The following TF variants were observed in gnomAD, a reference collection of about 807,000 sequenced individuals.
TF encodes the protein transferrin.
TF carries 55 observed loss-of-function variants against 82.4 expected under a neutral mutation model. The ratio of observed to expected loss-of-function variants is 0.67; its 90% CI spans 0.54 to 0.84. TF has a LOEUF of 0.84. TF is among the 40% of genes least tolerant of loss of function. The pLI is 0.00. For missense variants in TF, 737 were observed against 868.4 expected (o/e 0.85, Z 1.90); for synonymous variants, 332 against 332.6 (o/e 1.00, Z 0.02).
At chr3:133,759,408 T>C in intron 9 of TF, 79 bp downstream of exon 9, 2 of 1,579,304 alleles carry the variant, frequency 1.3e-6, no homozygotes, top group Non-Finnish European at 8.6e-7. Flanking sequence ...TAGGGAGTGT[T>C]CCTGGGAATG....
the TF span, among the ~76,000 whole-genome samples, chr3:133,714,022 T>C: frequency 6.6e-6 from 1 of 152,184 alleles, no homozygotes; most frequent in Non-Finnish European, 1.5e-5. Flanking sequence ...CAACCAGTTT[T>C]AGAAATTTCA....
the TF span, among the ~76,000 whole-genome samples, chr3:133,705,370 T>C: frequency 2.0e-5 from 3 of 152,058 alleles, no homozygotes; most frequent in Non-Finnish European, 4.4e-5. Context: ...TTCCCTCCCG[T>C]ATAGCAAAAA....
chr3:133,733,470 C>T, the TF span, among the ~76,000 whole-genome samples: 6 of 152,176 alleles, frequency 3.9e-5, no homozygotes, highest in East Asian at 1.2e-3. Context: ...ACCTTTGTTC[C>T]TTTACACATG....
rs1470186685 is a variant in TF, at chr3:133,788,865, A to G, written c.*10245A>G. On this transcript the variant is annotated 3_prime_UTR_variant, in exon 17 of 17. Coordinates refer to ENST00000402696, the MANE Select transcript of TF (RefSeq NM_001063.4). ...AAACCCTACTTGACTGGCTAAGGAC[A>G]AAAGAAGCCTACTCAGCTTCCATTT... is the stretch of plus-strand genomic sequence containing the variant. 6.6e-6 allele frequency: 1 copy of G among 152,278 alleles called. No individual in the cohort carries two copies. The highest frequency in any genetic ancestry group is 1.5e-5 in the Non-Finnish European group (1 of 68,070). The allele number at this position is 152,278 out of a possible 1,614,324, so 9.4% of individuals were successfully genotyped here.
chr3:133,717,420 C>A, the TF span, among the ~76,000 whole-genome samples: 1,010 of 152,284 alleles, frequency 6.6e-3, 9 homozygotes, highest in African/African-American at 0.023. Context: ...CTGCTTCTCC[C>A]GTCTGCTTGT....
the TF span, among the ~76,000 whole-genome samples, chr3:133,665,603 C>G: frequency 3.3e-5 from 5 of 151,964 alleles, no homozygotes; most frequent in Non-Finnish European, 5.9e-5. Flanking sequence ...GCCAGTCTCT[C>G]CAGACCCTGC....
At chr3:133,723,637 TTTATTA>T in the TF span, among the ~76,000 whole-genome samples, 118 of 143,568 alleles carry the variant, frequency 8.2e-4, no homozygotes, top group Middle Eastern at 3.6e-3. Context: ...GTTTGGTTCT[TTTATTA>T]TTATTATTAT....
At chr3:133,670,753 C>G in the TF span, among the ~76,000 whole-genome samples, 1 of 152,142 alleles carries the variant, frequency 6.6e-6, no homozygotes, top group African/African-American at 2.4e-5. Context: ...GAATGTTGGA[C>G]AAGAAAAAAG....
rs112075170 is a variant in TF at position 133,786,229 on chromosome 3, A to G, written c.*7609A>G. ...ATCAATAAAAAAATAAATTAAAAAA[A>G]AAAAAAAAAAACAATACTATTTTTT... On this transcript the variant is annotated 3_prime_UTR_variant, in exon 17 of 17. Coordinates refer to ENST00000402696, the MANE Select transcript of TF (RefSeq NM_001063.4). 1 of 150,828 alleles carries G rather than the reference A, an allele frequency of 6.6e-6. No homozygotes were observed. Among genetic ancestry groups the G allele is most frequent in the African/African-American group, 2.4e-5 (1 of 40,908 alleles). 9.3% of individuals were successfully genotyped at this position (150,828 alleles called of 1,614,324 possible).
chr3:133,692,791 T>C, the TF span: 4 of 152,682 alleles, frequency 2.6e-5, no homozygotes, highest in Non-Finnish European at 5.9e-5. Context: ...AACCCACCAT[T>C]ATGTCATTGC....
chr3:133,752,097 AT>A (rs111531493), intron 2 of TF, among the ~76,000 whole-genome samples: 73,299 of 133,030 alleles, frequency 0.55, 19,040 homozygotes, highest in East Asian at 0.82. Flanking sequence ...TTGCTTTGTA[AT>A]TTTTTTTTTT....
the TF span, among the ~76,000 whole-genome samples, chr3:133,733,660 A>G: frequency 2.0e-5 from 3 of 152,332 alleles, no homozygotes; most frequent in East Asian, 3.9e-4. Flanking sequence ...GTTGTAGAAG[A>G]AGGACTGAGT....
Position 133,759,343 on chromosome 3 carries a change from G to T in TF, c.1203+14G>T. 1 of 1,612,900 alleles carries T rather than the reference G, an allele frequency of 6.2e-7. No individual in the cohort carries two copies. On this transcript the variant is annotated intron_variant, in intron 9 of 16. Coordinates refer to ENST00000402696, the MANE Select transcript of TF (RefSeq NM_001063.4). ...GCCAAGATCATGGTATGTCACTCCA[G>T]CCTTCCTAGGGCAGCGTCCCTGTCA...
the TF span, among the ~76,000 whole-genome samples, chr3:133,722,964 G>C: frequency 1.3e-5 from 2 of 152,304 alleles, no homozygotes; most frequent in African/African-American, 4.8e-5. Context: ...GCTGGTCTTA[G>C]GGGTGATGAA....
intron 1 of TF, among the ~76,000 whole-genome samples, chr3:133,746,970 TCACCAGGGAGGGGGTCATCACAG>T (rs1264954883): frequency 1.3e-5 from 2 of 152,106 alleles, no homozygotes; most frequent in Non-Finnish European, 2.9e-5. Context: ...GGCCGGCTCC[TCACCAGGGAGGGGGTCATCACAG>T]CACTTGCCTG....
rs1799899 is a variant in TF, at chr3:133,756,968, G to A, written c.829G>A (p.Gly277Ser). 78,701 of 1,614,076 alleles carry A rather than the reference G, an allele frequency of 0.049. 2,443 individuals are homozygous for A. The highest frequency in any genetic ancestry group is 0.061 in the Middle Eastern group (372 of 6,062). ...TACCGTCGTGGCCCGAAGTATGGGCGGCAAGGAGGACTTGATCTGGGAGCT... is the reference window on the plus strand; with the variant it reads ...TACCGTCGTGGCCCGAAGTATGGGCAGCAAGGAGGACTTGATCTGGGAGCT... ...SHTVVARSMG[G>S]KEDLIWELLN... is the part of the protein sequence containing the mutation. Residue 277 changes from glycine (G) to serine (S), a missense_variant, in exon 7 of 17, where the codon GGC becomes AGC. By Grantham distance (56) the Gly-to-Ser change is moderately conservative. Coordinates refer to ENST00000402696, the MANE Select transcript of TF (RefSeq NM_001063.4).
At chr3:133,683,567 A>G in the TF span, among the ~76,000 whole-genome samples, 8 of 152,314 alleles carry the variant, frequency 5.3e-5, no homozygotes, top group South Asian at 8.3e-4. Context: ...CTCTGATAAA[A>G]CAGACTTTAA....
chr3:133,744,413 A>T (rs907940863), upstream of TF, among the ~76,000 whole-genome samples: 2 of 152,194 alleles, frequency 1.3e-5, no homozygotes. Context: ...CTGTCCATGC[A>T]TCAGCTGTAT....
At chr3:133,678,673 C>G in the TF span, among the ~76,000 whole-genome samples, 1 of 152,156 alleles carries the variant, frequency 6.6e-6, no homozygotes, top group Non-Finnish European at 1.5e-5. Flanking sequence ...TAAGAAGTGT[C>G]TGTTCATATC....
Sources: allele counts gnomAD v4.1 joint callset (sites outside exome capture counted in the v4.1 genomes callset), GRCh38; gene constraint gnomAD v4.1.1; transcripts MANE v1.5; gene names NCBI Gene and HGNC (gene_info 2026-07-23, HGNC 2026-07-21).